Variants in EPHA3 observed in about 807,000 individuals in gnomAD.
EPHA3 encodes the protein EPH receptor A3, also known as ephrin type-A receptor 3.
EPHA3 carries 42 observed loss-of-function variants against 107.1 expected under a neutral mutation model. The observed-to-expected ratio is 0.39, with a 90% CI of 0.31 to 0.51. The LOEUF is 0.51. Among genes scored for constraint, EPHA3 ranks in the 20% least tolerant of loss-of-function variants. The probability of loss-of-function intolerance (pLI) is 0.78; values close to 1 mark genes in which losing one functional copy is unlikely to be tolerated. For missense variants in EPHA3, 1,183 were observed against 1,211.2 expected, an observed-to-expected ratio of 0.98 and a Z score of 0.35; for synonymous variants, 461 against 424.8, an observed-to-expected ratio of 1.09 and a Z score of -1.05.
intron 3 of EPHA3, among the ~76,000 whole-genome samples, chr3:89,232,784 T>C: frequency 6.6e-6 from 1 of 152,220 alleles, no homozygotes; most frequent in South Asian, 2.1e-4. Flanking sequence ...AATCCTAAAC[T>C]TTGTATTCCT....
chr3:89,149,953 A>G (rs1400062353), intron 2 of EPHA3, among the ~76,000 whole-genome samples: 1 of 151,886 alleles, frequency 6.6e-6, no homozygotes, highest in African/African-American at 2.4e-5. Flanking sequence ...TTGCAAGTAA[A>G]AGCACCGAAA....
intron 1 of EPHA3, among the ~76,000 whole-genome samples, chr3:89,115,984 G>GA: frequency 6.6e-6 from 1 of 151,976 alleles, no homozygotes; most frequent in Non-Finnish European, 1.5e-5. Flanking sequence ...AATTTGTAGT[G>GA]AAAAATTGAA....
At chr3:89,207,395 G>C (rs1217261056) in intron 2 of EPHA3, among the ~76,000 whole-genome samples, 1 of 152,142 alleles carries the variant, frequency 6.6e-6, no homozygotes, top group East Asian at 1.9e-4. Context: ...CTCACAACCT[G>C]GGTGAGAGGA....
intron 3 of EPHA3, among the ~76,000 whole-genome samples, chr3:89,257,582 G>A (rs745963831): frequency 1.3e-5 from 2 of 151,882 alleles, no homozygotes; most frequent in African/African-American, 2.4e-5. Context: ...CGGGAATATA[G>A]CAAAGTCACA....
intron 3 of EPHA3, among the ~76,000 whole-genome samples, chr3:89,265,922 C>A (rs1303934313): frequency 6.6e-6 from 1 of 152,064 alleles, no homozygotes; most frequent in African/African-American, 2.4e-5. Context: ...AAGGTAATTT[C>A]TATTTCTCAT....
intron 5 of EPHA3, among the ~76,000 whole-genome samples, chr3:89,381,243 A>T (rs1708500082): frequency 6.7e-6 from 1 of 149,442 alleles, no homozygotes; most frequent in Non-Finnish European, 1.5e-5. Flanking sequence ...GAGTGCTGGG[A>T]TTACAGGCCT....
rs549685073 is a variant in EPHA3 at position 89,204,341 on chromosome 3, C to T, written c.154-5519C>T. Among the ~76,000 whole-genome samples, 21 of 152,158 alleles carry T rather than the reference C, an allele frequency of 1.4e-4. No homozygotes were observed. The South Asian group carries it at 4.1e-3, about 30-fold the overall frequency. ...ATTAAGATAACTGTCCACATCTTCC[C>T]ACATATGCCCTTTTCGGTCATATTT... On this transcript the variant is annotated intron_variant, in intron 2 of 16. Coordinates refer to ENST00000336596, the MANE Select transcript of EPHA3 (RefSeq NM_005233.6).
chr3:89,350,443 C>T (rs550072420), intron 5 of EPHA3, among the ~76,000 whole-genome samples: 36 of 151,670 alleles, frequency 2.4e-4, no homozygotes, highest in African/African-American at 8.4e-4. Flanking sequence ...TCACGTAGTT[C>T]TCAAGCCTTG....
chr3:89,471,741 G>GTA (rs1259301610), intron 15 of EPHA3, among the ~76,000 whole-genome samples: 1 of 151,764 alleles, frequency 6.6e-6, no homozygotes, highest in Non-Finnish European at 1.5e-5. Flanking sequence ...GTGTGTGTGT[G>GTA]TATGTGTGTG....
chr3:89,251,412 CA>C (rs1370279268), intron 3 of EPHA3, among the ~76,000 whole-genome samples: 1 of 151,654 alleles, frequency 6.6e-6, no homozygotes, highest in Non-Finnish European at 1.5e-5. Flanking sequence ...AATTCTGGGC[CA>C]AATAAATTTA....
chr3:89,207,359 T>G (rs1421989383), intron 2 of EPHA3, among the ~76,000 whole-genome samples: 1 of 152,078 alleles, frequency 6.6e-6, no homozygotes, highest in Non-Finnish European at 1.5e-5. Flanking sequence ...CAACAAGAAT[T>G]GAAAAACTAA....
At chr3:89,473,262 T>G (rs1710442476) in intron 16 of EPHA3, among the ~76,000 whole-genome samples, 2 of 152,206 alleles carry the variant, frequency 1.3e-5, no homozygotes, top group African/African-American at 2.4e-5. Flanking sequence ...TAATATTAAT[T>G]GATAGCTTTA....
chr3:89,479,485 G>A lies in EPHA3; in HGVS notation c.2935G>A (p.Gly979Ser), dbSNP rs779095614. 3.1e-6 allele frequency: 5 copies of A among 1,614,020 alleles called. No homozygotes were observed. The highest frequency in any genetic ancestry group is 3.3e-5 in the Admixed American group (2 of 60,016). The change falls in exon 17 of 17, where the codon GGC becomes AGC. Residue 979 changes from glycine (G) to serine (S), a missense_variant. Gly to Ser is a moderately conservative substitution (Grantham distance 56). Coordinates refer to ENST00000336596, the MANE Select transcript of EPHA3 (RefSeq NM_005233.6). ...IKALETQSKN[G>S]PVPV ...AGCTCTAGAAACGCAATCAAAGAAT[G>A]GCCCAGTTCCCGTGTAAAGCACGGG...
chr3:89,428,299 C>T (rs1709496647), intron 11 of EPHA3, among the ~76,000 whole-genome samples: 1 of 151,892 alleles, frequency 6.6e-6, no homozygotes, highest in Non-Finnish European at 1.5e-5. Context: ...CTCTGTGTCT[C>T]AGTTTTCTCA....
Position 89,407,270 on chromosome 3 carries a change from T to C in EPHA3, c.1596T>C (p.Ser532=), listed in dbSNP as rs1249969777. ...RKFEFETSPD[S]FSISGESSQV... The stretch of plus-strand genomic sequence containing the variant: ...TATTTTTTCTCTTCAACCTCACAGC[T>C]TTCTCCATCTCTGGTGAAAGTAGCC... Residue 532 remains serine, a splice_region_variant and synonymous_variant, in exon 8 of 17, where the codon TCT becomes TCC. Coordinates refer to ENST00000336596, the MANE Select transcript of EPHA3 (RefSeq NM_005233.6). 2 of 1,612,866 alleles carry C rather than the reference T, an allele frequency of 1.2e-6. No homozygotes were observed. Among genetic ancestry groups the C allele is most frequent in the African/African-American group, 2.7e-5 (2 of 74,878 alleles).
At chr3:89,367,473 C>T (rs1037515975) in intron 5 of EPHA3, among the ~76,000 whole-genome samples, 7 of 150,582 alleles carry the variant, frequency 4.6e-5, no homozygotes, top group Admixed American at 1.3e-4. Flanking sequence ...TCCATGTTTG[C>T]TGAACTCTTG....
At chr3:89,414,099 T>C (rs1286796564) in intron 10 of EPHA3, among the ~76,000 whole-genome samples, 1 of 151,658 alleles carries the variant, frequency 6.6e-6, no homozygotes, top group Admixed American at 6.6e-5. Context: ...AGGAATTCTC[T>C]GTGTAACATC....
intron 2 of EPHA3, among the ~76,000 whole-genome samples, chr3:89,195,657 C>A (rs1187975360): frequency 6.6e-6 from 1 of 152,100 alleles, no homozygotes; most frequent in African/African-American, 2.4e-5. Context: ...CATTTATTTG[C>A]TTATTCAATG....
chr3:89,208,427 A>AAGGAAGG (rs1559600798), intron 2 of EPHA3, among the ~76,000 whole-genome samples: 2,945 of 19,758 alleles, frequency 0.15, 112 homozygotes, highest in Middle Eastern at 0.18. Flanking sequence ...AGGAAGGAAG[A>AAGGAAGG]AAGAAAGAAA....
Sources: gnomAD v4.1 joint callset for allele counts (sites outside exome capture counted in the v4.1 genomes callset) on GRCh38, gnomAD v4.1.1 for gene constraint, MANE v1.5 for transcripts, NCBI Gene and HGNC (gene_info 2026-07-23, HGNC 2026-07-21) for gene names.